Variants in JAKMIP2 observed in about 807,000 individuals in gnomAD.
JAKMIP2 encodes the protein janus kinase and microtubule-interacting protein 2.
Under a neutral mutation model 115.0 loss-of-function variants are expected in JAKMIP2, and 25 were observed. That is an observed-to-expected ratio of 0.22 (90% CI 0.16 to 0.30). JAKMIP2 has a LOEUF of 0.30. Ranked by LOEUF, JAKMIP2 falls within the 10% of genes least tolerant of loss-of-function variation. The pLI is 1.00. For missense variants in JAKMIP2, 642 were observed against 957.6 expected, an observed-to-expected ratio of 0.67 and a Z score of 4.35; for synonymous variants, 334 against 343.6, an observed-to-expected ratio of 0.97 and a Z score of 0.31.
chr5:147,759,614 G>A (rs1754863202), intron 1 of JAKMIP2, among the ~76,000 whole-genome samples: 1 of 152,142 alleles, frequency 6.6e-6, no homozygotes, highest in Non-Finnish European at 1.5e-5. Flanking sequence ...GGCTCCTCTA[G>A]ACTGGATGGT....
intron 1 of JAKMIP2, among the ~76,000 whole-genome samples, chr5:147,754,082 C>A (rs930352710): frequency 3.9e-5 from 6 of 152,266 alleles, no homozygotes; most frequent in African/African-American, 1.4e-4. Context: ...TTTAAAGATT[C>A]AATTCTTGTT....
At chr5:147,594,128 G>T (rs73266266) in intron 21 of JAKMIP2, among the ~76,000 whole-genome samples, 2,106 of 152,236 alleles carry the variant, frequency 0.014, 55 homozygotes, top group African/African-American at 0.049. Flanking sequence ...AAGTTTCTAT[G>T]AATTGAGAAG....
chr5:147,605,203 ATTTTTTTTT>A (rs71001447), intron 20 of JAKMIP2, among the ~76,000 whole-genome samples: 3 of 100,518 alleles, frequency 3.0e-5, no homozygotes, highest in Non-Finnish European at 2.0e-5. Context: ...TATGTGCCAC[ATTTTTTTTT>A]TTTTTTTTTT....
intron 20 of JAKMIP2, among the ~76,000 whole-genome samples, chr5:147,609,081 G>A (rs1350997899): frequency 6.6e-6 from 1 of 151,896 alleles, no homozygotes; most frequent in Non-Finnish European, 1.5e-5. Context: ...TTGCACATGA[G>A]ATGGGTCTCC....
At position 147,764,934 on chromosome 5, in the gene JAKMIP2, G is replaced by A. The variant is rs59302255; in HGVS notation, c.-149+17522C>T. Among the ~76,000 whole-genome samples the A allele has an allele frequency of 4.3e-3, 399 of 91,968 alleles. 17 individuals carry two copies. Among genetic ancestry groups the A allele is most frequent in the East Asian group, 0.04 (81 of 2,024 alleles). The allele number at this position is 91,968 out of a possible 152,430, so 60.3% of individuals were successfully genotyped here. A position where few individuals can be genotyped will look rare whatever the true frequency, so the allele number is the denominator to read the frequency against. On this transcript the variant is annotated intron_variant, in intron 1 of 21. Coordinates refer to ENST00000616793, the MANE Select transcript of JAKMIP2 (RefSeq NM_001270941.2). Reference sequence around the variant, plus strand: ...AGAAAGAAAGAAAGAGAGAGAGAGAGAGAGAGAGAGAGGGAGAGAGAGAGA... The same window carrying A: ...AGAAAGAAAGAAAGAGAGAGAGAGAAAGAGAGAGAGAGGGAGAGAGAGAGA...
chr5:147,743,691 T>C (rs1293337639), intron 1 of JAKMIP2, among the ~76,000 whole-genome samples: 1 of 152,166 alleles, frequency 6.6e-6, no homozygotes, highest in African/African-American at 2.4e-5. Flanking sequence ...GCCAAGGAGA[T>C]TTGTCTTCCT....
At chr5:147,679,295 C>G (rs997623985) in intron 1 of JAKMIP2, among the ~76,000 whole-genome samples, 1 of 152,092 alleles carries the variant, frequency 6.6e-6, no homozygotes, top group South Asian at 2.1e-4. Flanking sequence ...ACTACATTTT[C>G]TACTGACTCT....
intron 16 of JAKMIP2, among the ~76,000 whole-genome samples, 184 bp from the exon 17 acceptor site, chr5:147,623,873 G>A (rs56384964): frequency 0.12 from 17,533 of 152,042 alleles, 1,339 homozygotes; most frequent in South Asian, 0.27. Context: ...ATCTCGCTCC[G>A]TTGCCCAGGC....
At chr5:147,675,672 A>G (rs1759902883) in intron 1 of JAKMIP2, among the ~76,000 whole-genome samples, 1 of 151,990 alleles carries the variant, frequency 6.6e-6, no homozygotes. Context: ...TTCCCCACGC[A>G]GCTCTCTCAG....
intron 1 of JAKMIP2, among the ~76,000 whole-genome samples, chr5:147,713,598 T>A (rs146433013): frequency 6.6e-6 from 1 of 152,108 alleles, no homozygotes; most frequent in African/African-American, 2.4e-5. Context: ...GGAGAAAAAC[T>A]GCAAATTTTA....
At chr5:147,660,070 G>A (rs189807739) in intron 3 of JAKMIP2, among the ~76,000 whole-genome samples, 22 of 152,276 alleles carry the variant, frequency 1.4e-4, no homozygotes, top group Admixed American at 1.4e-3. Context: ...TCTAACAGGC[G>A]ATAGTTGATG....
chr5:147,723,785 C>T (rs1753410164), intron 1 of JAKMIP2, among the ~76,000 whole-genome samples: 1 of 152,128 alleles, frequency 6.6e-6, no homozygotes, highest in Admixed American at 6.5e-5. Flanking sequence ...CTGTCTTATC[C>T]ACCAGCCATG....
At chr5:147,639,903 G>T in intron 9 of JAKMIP2, 143 bp from the exon 10 acceptor site, 1 of 822,684 alleles carries the variant, frequency 1.2e-6, no homozygotes, top group Non-Finnish European at 1.9e-6. Flanking sequence ...TAGCTCTGAA[G>T]TGTATATACG....
At chr5:147,634,731 T>G (rs1040514045) in intron 12 of JAKMIP2, among the ~76,000 whole-genome samples, 2 of 152,134 alleles carry the variant, frequency 1.3e-5, no homozygotes, top group Admixed American at 6.5e-5. Flanking sequence ...TATACATCTA[T>G]GTGATGAACA....
At chr5:147,673,174 G>T (rs1759724556) in intron 1 of JAKMIP2, among the ~76,000 whole-genome samples, 1 of 152,148 alleles carries the variant, frequency 6.6e-6, no homozygotes, top group African/African-American at 2.4e-5. Flanking sequence ...GAGAAAAGGG[G>T]TGGGGGAAGG....
At chr5:147,599,935 C>T (rs1755607680) in intron 21 of JAKMIP2, among the ~76,000 whole-genome samples, 1 of 152,134 alleles carries the variant, frequency 6.6e-6, no homozygotes, top group Non-Finnish European at 1.5e-5. Flanking sequence ...GCTCCCAGGA[C>T]ATAATCAGCT....
intron 1 of JAKMIP2, among the ~76,000 whole-genome samples, chr5:147,697,624 C>T (rs1278046758): frequency 6.6e-6 from 1 of 152,234 alleles, no homozygotes; most frequent in African/African-American, 2.4e-5. Flanking sequence ...TGCATCCAAG[C>T]TGCTCCAGCT....
chr5:147,768,548 C>T (rs988591762), intron 1 of JAKMIP2, among the ~76,000 whole-genome samples: 3 of 152,098 alleles, frequency 2.0e-5, no homozygotes, highest in African/African-American at 7.2e-5. Context: ...TTTTAAAAAA[C>T]AGATACTCTT....
At chr5:147,701,934 T>C (rs1196665778) in intron 1 of JAKMIP2, among the ~76,000 whole-genome samples, 3 of 152,152 alleles carry the variant, frequency 2.0e-5, no homozygotes, top group Admixed American at 2.0e-4. Context: ...GACCACTCAT[T>C]TTGCTTGCAC....
Sources: allele counts gnomAD v4.1 joint callset (sites outside exome capture counted in the v4.1 genomes callset), GRCh38; gene constraint gnomAD v4.1.1; transcripts MANE v1.5; gene names NCBI Gene and HGNC (gene_info 2026-07-23, HGNC 2026-07-21).